The following UGT1A7 variants were observed in gnomAD, a reference collection of about 807,000 sequenced individuals.
The protein encoded by UGT1A7 is UDP glucuronosyltransferase family 1 member A7.
A neutral mutation model predicts 45.6 loss-of-function variants in UGT1A7; 33 were observed. That is an observed-to-expected ratio of 0.72 (90% CI 0.55 to 0.97). The LOEUF is 0.97. UGT1A7 is among the 50% of genes least tolerant of loss of function. UGT1A7 has a pLI of 0.00. For missense variants in UGT1A7, 684 were observed against 666.2 expected, an observed-to-expected ratio of 1.03 and a Z score of -0.29; for synonymous variants, 274 against 250.6, an observed-to-expected ratio of 1.09 and a Z score of -0.88.
intron 1 of UGT1A7, chr2:233,719,396 C>T: frequency 6.2e-7 from 1 of 1,613,966 alleles, no homozygotes; most frequent in Non-Finnish European, 8.5e-7. Flanking sequence ...ATCCTTCCTC[C>T]TATATTCCTA....
intron 1 of UGT1A7, among the ~76,000 whole-genome samples, chr2:233,712,765 T>A (rs566033271): frequency 3.0e-4 from 45 of 152,200 alleles, no homozygotes; most frequent in Admixed American, 1.7e-3. Flanking sequence ...GAGCGCAAGG[T>A]CAGATGAGTT....
intron 1 of UGT1A7, among the ~76,000 whole-genome samples, chr2:233,711,666 T>C (rs903465308): frequency 6.6e-6 from 1 of 152,186 alleles, no homozygotes; most frequent in African/African-American, 2.4e-5. Context: ...TGGAATCTAT[T>C]ATCAATGTGG....
In UGT1A7 at chr2:233,740,888, C is replaced by A. The variant is rs557749460; in HGVS notation, c.856-26146C>A. On this transcript the variant is annotated intron_variant, in intron 1 of 4. Coordinates refer to ENST00000373426, the MANE Select transcript of UGT1A7 (RefSeq NM_019077.3). ...TTTAAATAAAATGCTCTTGCAGGGA[C>A]AACATAGTAGGTCAACATTGTTCCC... The A allele has an allele frequency of 9.3e-5, 14 of 150,988 alleles. No individual in the cohort carries two copies. In the East Asian group the frequency reaches 9.7e-4, roughly 10 times the overall value. The allele number at this position is 150,988 out of a possible 1,614,324, so 9.4% of individuals were successfully genotyped here. A position where few individuals can be genotyped will look rare whatever the true frequency, so the allele number is the denominator to read the frequency against.
chr2:233,760,168 C>A, intron 1 of UGT1A7: 1 of 1,526,138 alleles, frequency 6.6e-7, no homozygotes, highest in Non-Finnish European at 8.8e-7. Flanking sequence ...CCTTTGTGGA[C>A]TGACAGCTTT....
chr2:233,755,353 G>C (rs1323397761), intron 1 of UGT1A7: 2 of 385,742 alleles, frequency 5.2e-6, no homozygotes, highest in Non-Finnish European at 9.5e-6. Context: ...GAGGCTTGGC[G>C]ACCTGGGCCG....
At chr2:233,734,058 T>C (rs887358519) in intron 1 of UGT1A7, among the ~76,000 whole-genome samples, 3 of 152,142 alleles carry the variant, frequency 2.0e-5, no homozygotes, top group Non-Finnish European at 4.4e-5. Context: ...TATACATATG[T>C]AACAAACCTG....
chr2:233,729,753 A>C (rs1211638875), intron 1 of UGT1A7: 1 of 1,613,964 alleles, frequency 6.2e-7, no homozygotes, highest in Non-Finnish European at 8.5e-7. Flanking sequence ...CATTCATGCA[A>C]AGGGTCAAGA....
At chr2:233,739,962 A>G (rs1691266437) in intron 1 of UGT1A7, among the ~76,000 whole-genome samples, 1 of 151,874 alleles carries the variant, frequency 6.6e-6, no homozygotes, top group Non-Finnish European at 1.5e-5. Flanking sequence ...AGCTGATTGA[A>G]TCATATCGGC....
chr2:233,691,223 G>A, intron 1 of UGT1A7: 2 of 985,518 alleles, frequency 2.0e-6, no homozygotes, highest in South Asian at 4.7e-5. Context: ...AACCTTCCTG[G>A]AGTCTTATTG....
At chr2:233,754,930 G>C (rs1387383656) in intron 1 of UGT1A7, 3 of 1,344,668 alleles carry the variant, frequency 2.2e-6, no homozygotes, top group Non-Finnish European at 2.0e-6. Context: ...TTTCCCAAGA[G>C]GTCAAAGGAG....
chr2:233,754,060 T>C (rs141181524), intron 1 of UGT1A7, among the ~76,000 whole-genome samples: 20 of 152,258 alleles, frequency 1.3e-4, no homozygotes, highest in African/African-American at 3.6e-4. Context: ...CCTGCTTTTA[T>C]AAAGCCTGGG....
At chr2:233,771,238 A>G (rs1201821229) in intron 4 of UGT1A7, 1 of 152,168 alleles carries the variant, frequency 6.6e-6, no homozygotes, top group Non-Finnish European at 1.5e-5. Context: ...CAGCGATCAT[A>G]ATTAGTCCTG....
chr2:233,740,162 T>C (rs747087545), intron 1 of UGT1A7, among the ~76,000 whole-genome samples: 1 of 151,900 alleles, frequency 6.6e-6, no homozygotes, highest in Non-Finnish European at 1.5e-5. Context: ...TCCCCAGTCA[T>C]GTGGAACTGT....
At chr2:233,712,988 TGA>T in intron 1 of UGT1A7, 1 of 1,613,306 alleles carries the variant, frequency 6.2e-7, no homozygotes, top group Non-Finnish European at 8.5e-7. Context: ...TGGCTTCTGC[TGA>T]GATGGCCACA....
At chr2:233,690,906 T>C in intron 1 of UGT1A7, 3 of 1,026,092 alleles carry the variant, frequency 2.9e-6, no homozygotes, top group Non-Finnish European at 3.5e-6. Flanking sequence ...TGCATAGTGA[T>C]GTTAGTTTCA....
At chr2:233,701,811 A>G (rs942199612) in intron 1 of UGT1A7, among the ~76,000 whole-genome samples, 4 of 152,228 alleles carry the variant, frequency 2.6e-5, no homozygotes, top group Non-Finnish European at 1.5e-5. Flanking sequence ...ACAAAGACAC[A>G]ACATACCAGA....
At chr2:233,753,552 A>G (rs1695233420) in intron 1 of UGT1A7, 1 of 152,146 alleles carries the variant, frequency 6.6e-6, no homozygotes, top group African/African-American at 2.4e-5. Context: ...CTCAGAGGTG[A>G]CCCTAGAAGA....
At chr2:233,744,012 G>A (rs541267003) in intron 1 of UGT1A7, 46 of 1,089,708 alleles carry the variant, frequency 4.2e-5, no homozygotes, top group Non-Finnish European at 4.8e-5. Context: ...GACCTGGGCC[G>A]CCTGGAGAGA....
chr2:233,718,122 G>A (rs1197667790), intron 1 of UGT1A7: 2 of 287,308 alleles, frequency 7.0e-6, no homozygotes, highest in Non-Finnish European at 1.4e-5. Context: ...CTTATTCCAT[G>A]GTGTAGATGG....
Sources: gnomAD v4.1 joint callset for allele counts (sites outside exome capture counted in the v4.1 genomes callset) on GRCh38, gnomAD v4.1.1 for gene constraint, MANE v1.5 for transcripts, NCBI Gene and HGNC (gene_info 2026-07-23, HGNC 2026-07-21) for gene names.